Variants in MCTP2 observed in about 807,000 individuals in gnomAD.
MCTP2 encodes multiple C2 and transmembrane domain-containing protein 2.
In MCTP2, 132 loss-of-function variants were observed where a neutral mutation model predicts 111.6. The ratio of observed to expected loss-of-function variants is 1.18; its 90% CI spans 1.03 to 1.37. The LOEUF is 1.37. Among genes scored for constraint, MCTP2 ranks in the 40% most tolerant of loss-of-function variants. The pLI, the probability that MCTP2 is intolerant of heterozygous loss-of-function variation, is 0.00. For synonymous variants in MCTP2, 395 were observed against 387.7 expected (o/e 1.02, Z -0.22); for missense variants, 1,183 against 1,067.9 (o/e 1.11, Z -1.50).
At chr15:94,249,146 C>T (rs941948661) in intron 1 of MCTP2, among the ~76,000 whole-genome samples, 2 of 152,130 alleles carry the variant, frequency 1.3e-5, no homozygotes, top group Non-Finnish European at 2.9e-5. Context: ...GGATAGATAT[C>T]TGTCTTGATT....
intron 4 of MCTP2, among the ~76,000 whole-genome samples, chr15:94,319,340 T>TTTTCTACATTCAATACAG (rs1468433959): frequency 6.6e-6 from 1 of 152,218 alleles, no homozygotes; most frequent in Non-Finnish European, 1.5e-5. Context: ...CAATACAGCA[T>TTTTCTACATTCAATACAG]TATTTTCTAC....
chr15:94,441,950 T>C (rs188735755), intron 18 of MCTP2, among the ~76,000 whole-genome samples: 1 of 152,298 alleles, frequency 6.6e-6, no homozygotes, highest in Non-Finnish European at 1.5e-5. Context: ...TTCTAGGAGG[T>C]AGGGCTATAC....
chr15:94,379,756 TATATA>T (rs1340917957), intron 12 of MCTP2, among the ~76,000 whole-genome samples: 13 of 146,354 alleles, frequency 8.9e-5, no homozygotes, highest in Non-Finnish European at 1.8e-4. Flanking sequence ...ATATATAATA[TATATA>T]ATATATGATA....
At chr15:94,304,825 C>G (rs1186724769) in intron 2 of MCTP2, among the ~76,000 whole-genome samples, 1 of 152,184 alleles carries the variant, frequency 6.6e-6, no homozygotes, top group Non-Finnish European at 1.5e-5. Context: ...CCACTTAGTC[C>G]AGGAAGCCTG....
chr15:94,307,051 A>T (rs1482318857), intron 2 of MCTP2, among the ~76,000 whole-genome samples: 5 of 152,174 alleles, frequency 3.3e-5, no homozygotes, highest in African/African-American at 1.2e-4. Flanking sequence ...GCTACATCCC[A>T]GGGTCCATCA....
chr15:94,413,516 C>CT (rs1385953980), intron 17 of MCTP2, among the ~76,000 whole-genome samples: 1 of 151,432 alleles, frequency 6.6e-6, no homozygotes, highest in Non-Finnish European at 1.5e-5. Context: ...GGTTTCACTT[C>CT]TATAAAGGCC....
intron 1 of MCTP2, among the ~76,000 whole-genome samples, chr15:94,259,965 T>C (rs1375267220): frequency 6.6e-6 from 1 of 152,210 alleles, no homozygotes; most frequent in Non-Finnish European, 1.5e-5. Context: ...CCTTTCCAGA[T>C]CATACATTGG....
chr15:94,424,476 A>G lies in MCTP2; in HGVS notation c.2086-15700A>G, dbSNP rs979575715. 3.3e-5 allele frequency among the ~76,000 whole-genome samples: 5 copies of G among 152,306 alleles called. No homozygotes were observed. The South Asian group carries it at 6.2e-4, about 19-fold the overall frequency. On this transcript the variant is annotated intron_variant, in intron 17 of 22. Coordinates refer to ENST00000357742, the MANE Select transcript of MCTP2 (RefSeq NM_001385001.1). ...ATGCAGTTTCTTGGGCCCCCCTCCA[A>G]ATCTGCTGAATCAGGAACTCTGGGG...
chr15:94,278,979 T>A (rs1199590014), intron 1 of MCTP2, among the ~76,000 whole-genome samples: 1 of 152,198 alleles, frequency 6.6e-6, no homozygotes, highest in Non-Finnish European at 1.5e-5. Flanking sequence ...GGTCTGTGTG[T>A]CTGTTTTTGT....
chr15:94,332,302 A>G (rs1396621125), intron 4 of MCTP2, among the ~76,000 whole-genome samples: 3 of 152,178 alleles, frequency 2.0e-5, no homozygotes, highest in Non-Finnish European at 4.4e-5. Flanking sequence ...CAAAGTCAGA[A>G]CTTACAGAGT....
chr15:94,364,133 C>T (rs1283180342), intron 10 of MCTP2, among the ~76,000 whole-genome samples: 2 of 151,532 alleles, frequency 1.3e-5, no homozygotes, highest in East Asian at 3.9e-4. Context: ...CAGGGGTCAG[C>T]AAACCAGGGC....
intron 1 of MCTP2, among the ~76,000 whole-genome samples, chr15:94,282,512 G>C (rs1248567121): frequency 2.0e-5 from 3 of 152,136 alleles, no homozygotes; most frequent in Non-Finnish European, 4.4e-5. Flanking sequence ...CTTCCTTGCT[G>C]TCTGGATTCT....
intron 1 of MCTP2, among the ~76,000 whole-genome samples, chr15:94,240,445 C>G (rs968080791): frequency 6.6e-6 from 1 of 152,104 alleles, no homozygotes; most frequent in Non-Finnish European, 1.5e-5. Flanking sequence ...TTATTTCACC[C>G]CAAGACTTGA....
intron 21 of MCTP2, among the ~76,000 whole-genome samples, chr15:94,474,245 T>G (rs973329906): frequency 6.6e-6 from 1 of 152,160 alleles, no homozygotes; most frequent in Non-Finnish European, 1.5e-5. Context: ...ATAGTTGGCT[T>G]TAATAGTATT....
rs543421777 is a variant in MCTP2, at chr15:94,431,239, A to G, written c.2086-8937A>G. On this transcript the variant is annotated intron_variant, in intron 17 of 22. Coordinates refer to ENST00000357742, the MANE Select transcript of MCTP2 (RefSeq NM_001385001.1). ...TTGAATGGCCCAGGGATAGAACATTATAAGTGAAGAAATAGTCAAGCAGTT... is the reference window on the plus strand; with the variant it reads ...TTGAATGGCCCAGGGATAGAACATTGTAAGTGAAGAAATAGTCAAGCAGTT... Among the ~76,000 whole-genome samples, 9 of 152,342 alleles carry G rather than the reference A, an allele frequency of 5.9e-5. No individual in the cohort carries two copies. In the East Asian group the frequency reaches 1.7e-3, roughly 29 times the overall value.
At chr15:94,276,207 AAAT>A (rs1049989233) in intron 1 of MCTP2, among the ~76,000 whole-genome samples, 10 of 152,286 alleles carry the variant, frequency 6.6e-5, no homozygotes, top group African/African-American at 2.4e-4. Flanking sequence ...ATGCCAGAAA[AAAT>A]AATACTAAAA....
chr15:94,433,870 A>T (rs972864453), intron 17 of MCTP2, among the ~76,000 whole-genome samples: 4 of 152,072 alleles, frequency 2.6e-5, no homozygotes, highest in Admixed American at 2.6e-4. Context: ...ATATCTTCCT[A>T]TGTGTTTGTA....
chr15:94,251,389 G>A (rs979884382), intron 1 of MCTP2, among the ~76,000 whole-genome samples: 11 of 148,640 alleles, frequency 7.4e-5, no homozygotes, highest in African/African-American at 2.7e-4. Context: ...ACGGAGTTTC[G>A]CTCTTGTTGC....
chr15:94,400,127 A>T, intron 16 of MCTP2, 132 bp downstream of exon 16: 2 of 695,544 alleles, frequency 2.9e-6, no homozygotes, highest in Non-Finnish European at 4.9e-6. Context: ...CTCTTGCCCC[A>T]TCTCTCCACT....
Sources: gnomAD v4.1 joint callset for allele counts (sites outside exome capture counted in the v4.1 genomes callset) on GRCh38, gnomAD v4.1.1 for gene constraint, MANE v1.5 for transcripts, NCBI Gene and HGNC (gene_info 2026-07-23, HGNC 2026-07-21) for gene names.